The following RFX2 variants were observed in gnomAD, a reference collection of about 807,000 sequenced individuals.
RFX2 encodes the protein regulatory factor X2, also known as DNA-binding protein RFX2.
A neutral mutation model predicts 87.8 loss-of-function variants in RFX2; 20 were observed. The ratio of observed to expected loss-of-function variants is 0.23; its 90% CI spans 0.16 to 0.33. The LOEUF is 0.33. RFX2 is among the 10% of genes least tolerant of loss of function. The probability of loss-of-function intolerance (pLI) is 1.00; values close to 1 mark genes in which losing one functional copy is unlikely to be tolerated. For missense variants in RFX2, 767 were observed against 1,012.3 expected (o/e 0.76, Z 3.29); for synonymous variants, 397 against 431.3 (o/e 0.92, Z 0.98).
In RFX2 at chr19:6,064,492, G is replaced by A. The variant is rs1426164990; in HGVS notation, c.-8-16988C>T. The stretch of plus-strand genomic sequence containing the variant: ...TCCCAGCTTCAAAATCTTTCAGAGC[G>A]ACTCATGCTGCCAGAGGGTGGAGGA... On this transcript the variant is annotated intron_variant, in intron 1 of 17. Coordinates refer to ENST00000303657, the MANE Select transcript of RFX2 (RefSeq NM_000635.4). The surrounding 1 kb of genome is among the most constrained non-coding windows in gnomAD (Gnocchi z 4.8). 1.3e-5 allele frequency among the ~76,000 whole-genome samples: 2 copies of A among 152,336 alleles called. No individual in the cohort carries two copies. The highest frequency in any genetic ancestry group is 2.9e-5 in the Non-Finnish European group (2 of 68,032).
At position 6,007,289 on chromosome 19, in the gene RFX2, C is replaced by A; in HGVS notation, c.1248-123G>T. ...CAACAGTGGGGCTGGGGTTTTGCTC[C>A]CCATCCCTGAGCCTCGATGGGTCCC... On this transcript the variant is annotated intron_variant, in intron 11 of 17. Coordinates refer to ENST00000303657, the MANE Select transcript of RFX2 (RefSeq NM_000635.4). The surrounding 1 kb of genome is among the most constrained non-coding windows in gnomAD (Gnocchi z 8.2). The A allele has an allele frequency of 9.9e-7, 1 of 1,010,124 alleles. No homozygotes were observed. The highest frequency in any genetic ancestry group is 1.4e-6 in the Non-Finnish European group (1 of 693,150). The allele number at this position is 1,010,124 out of a possible 1,614,324, so 62.6% of individuals were successfully genotyped here. A position where few individuals can be genotyped will look rare whatever the true frequency, so the allele number is the denominator to read the frequency against.
In RFX2 at chr19:6,040,010, C is replaced by G; in HGVS notation, c.492G>C (p.Leu164=). 1 of 1,601,518 alleles carries G rather than the reference C, an allele frequency of 6.2e-7. No individual in the cohort carries two copies. The change falls in exon 5 of 18, where the codon CTG becomes CTC. Residue 164 remains leucine (L), a synonymous_variant. Coordinates refer to ENST00000303657, the MANE Select transcript of RFX2 (RefSeq NM_000635.4). This position sits in a 1 kb window ranked among gnomAD's most constrained non-coding sequence, Gnocchi z 6.1. Reference sequence around the variant, plus strand: ...CGGGCGATGAGCGGGAGGTGTGGGCCAGGGAGTGTCTGGTGCTGTCCATCC... The same window carrying G: ...CGGGCGATGAGCGGGAGGTGTGGGCGAGGGAGTGTCTGGTGCTGTCCATCC... The part of the protein sequence containing the change: ...HGGMDSTRHS[L]AHTSRSSPAT...
At position 6,079,221 on chromosome 19, in the gene RFX2, C is replaced by T. The variant is rs555228120; in HGVS notation, c.-9+31172G>A. 2.6e-5 allele frequency among the ~76,000 whole-genome samples: 4 copies of T among 152,336 alleles called. No homozygotes were observed. In the East Asian group the frequency reaches 7.7e-4, roughly 29 times the overall value. ...GGGAGTATCACTGCGATTTAGTGTA[C>T]TTGGTCTAGAGTATGCTGTCGCTCT... On this transcript the variant is annotated intron_variant, in intron 1 of 17. Coordinates refer to ENST00000303657, the MANE Select transcript of RFX2 (RefSeq NM_000635.4).
rs1250696755 is a variant in RFX2, at chr19:6,004,150, G to A, written c.1500+51C>T. 1 of 1,373,170 alleles carries A rather than the reference G, an allele frequency of 7.3e-7. No homozygotes were observed. Among genetic ancestry groups the A allele is most frequent in the Non-Finnish European group, 1.0e-6 (1 of 960,828 alleles). 85.1% of individuals were successfully genotyped at this position (1,373,170 alleles called of 1,614,324 possible). On this transcript the variant is annotated intron_variant, in intron 13 of 17. Coordinates refer to ENST00000303657, the MANE Select transcript of RFX2 (RefSeq NM_000635.4). The surrounding 1 kb of genome is among the most constrained non-coding windows in gnomAD (Gnocchi z 4.8). Reference sequence around the variant, plus strand: ...AGTGGTCCTCATGCTGTCCTGGACTGGAGCCCCTCCCAGCCATCGTTGGGG... The same window carrying A: ...AGTGGTCCTCATGCTGTCCTGGACTAGAGCCCCTCCCAGCCATCGTTGGGG...
intron 1 of RFX2, among the ~76,000 whole-genome samples, chr19:6,102,569 C>A (rs1437328251): frequency 2.6e-5 from 4 of 152,236 alleles, no homozygotes; most frequent in Non-Finnish European, 5.9e-5. Context: ...CAAGGCCCTG[C>A]AGGTTGCCCC....
At position 6,024,158 on chromosome 19, in the gene RFX2, C is replaced by T. The variant is rs2086855897; in HGVS notation, c.597+2005G>A. On this transcript the variant is annotated intron_variant, in intron 6 of 17. Coordinates refer to ENST00000303657, the MANE Select transcript of RFX2 (RefSeq NM_000635.4). This position sits in a 1 kb window ranked among gnomAD's most constrained non-coding sequence, Gnocchi z 5.0. ...CTGCACCCCCATCCTGCCTGGGTCA[C>T]GCAGCCCTCTCGCCCAGGGCTGATA... Among the ~76,000 whole-genome samples, 1 of 152,202 alleles carries T rather than the reference C, an allele frequency of 6.6e-6. No homozygotes were observed. The highest frequency in any genetic ancestry group is 2.4e-5 in the African/African-American group (1 of 41,454).
intron 5 of RFX2, among the ~76,000 whole-genome samples, chr19:6,029,256 C>CAAAAA (rs549438410): frequency 1.1e-5 from 1 of 94,484 alleles, no homozygotes; most frequent in Non-Finnish European, 2.2e-5. Context: ...ATGAGGCACG[C>CAAAAA]AAAAAAAAAA....
chr19:6,054,998 CTATA>C (rs1036790832), intron 1 of RFX2, among the ~76,000 whole-genome samples: 3 of 152,184 alleles, frequency 2.0e-5, no homozygotes, highest in African/African-American at 7.2e-5. Context: ...ACATCTATAT[CTATA>C]TATATAAACT....
intron 6 of RFX2, among the ~76,000 whole-genome samples, chr19:6,025,608 T>C (rs1326838535): frequency 6.6e-6 from 1 of 152,122 alleles, no homozygotes; most frequent in Non-Finnish European, 1.5e-5. Flanking sequence ...TTACTCCCTA[T>C]GACAACCCGA....
rs1278928813 is a variant in RFX2 at position 5,997,360 on chromosome 19, G to A, written c.1860-147C>T. On this transcript the variant is annotated intron_variant, in intron 15 of 17. Coordinates refer to ENST00000303657, the MANE Select transcript of RFX2 (RefSeq NM_000635.4). This position sits in a 1 kb window ranked among gnomAD's most constrained non-coding sequence, Gnocchi z 4.2. ...GTGATCCTAAGACGTGCAGGCCTAC[G>A]CGGGGGCTGACGGGCTGCCGAGACC... 1.6e-5 allele frequency: 15 copies of A among 937,668 alleles called. No individual in the cohort carries two copies. Among genetic ancestry groups the A allele is most frequent in the South Asian group, 1.5e-4 (8 of 53,028 alleles). 58.1% of individuals were successfully genotyped at this position (937,668 alleles called of 1,614,324 possible).
At chr19:6,055,935 G>A (rs888228922) in intron 1 of RFX2, among the ~76,000 whole-genome samples, 1 of 152,028 alleles carries the variant, frequency 6.6e-6, no homozygotes, top group African/African-American at 2.4e-5. Flanking sequence ...AAATCATTAC[G>A]CTGAGTGAAA....
rs1159060855 is a variant in RFX2, at chr19:6,044,824, C to A, written c.91-542G>T. Reference sequence around the variant, plus strand: ...ATGAAGCCAGAGGGCTCAAGTGCTGCCTCTGGCTACAGAATACTCGAGTCC... The same window carrying A: ...ATGAAGCCAGAGGGCTCAAGTGCTGACTCTGGCTACAGAATACTCGAGTCC... On this transcript the variant is annotated intron_variant, in intron 2 of 17. Coordinates refer to ENST00000303657, the MANE Select transcript of RFX2 (RefSeq NM_000635.4). This position sits in a 1 kb window ranked among gnomAD's most constrained non-coding sequence, Gnocchi z 5.3. Among the ~76,000 whole-genome samples the A allele has an allele frequency of 6.6e-6, 1 of 152,212 alleles. No homozygotes were observed. Among genetic ancestry groups the A allele is most frequent in the African/African-American group, 2.4e-5 (1 of 41,444 alleles).
In RFX2 at chr19:5,997,158, G is replaced by A; in HGVS notation, c.1915C>T (p.His639Tyr). Residue 639 changes from histidine to tyrosine, a missense_variant, in exon 16 of 18, where the codon CAC (histidine) becomes TAC (tyrosine). Physicochemically the swap from His to Tyr is moderately conservative, Grantham distance 83. Coordinates refer to ENST00000303657, the MANE Select transcript of RFX2 (RefSeq NM_000635.4). The surrounding 1 kb of genome is among the most constrained non-coding windows in gnomAD (Gnocchi z 4.2). ...LRSAASFGSF[H>Y]LIRLLYDEYM... ...TCGTCGTAGAGCAGGCGGATGAGGT[G>A]GAAGGAGCCGAAGCTGGCAGCGCTG... 1 of 1,613,642 alleles carries A rather than the reference G, an allele frequency of 6.2e-7. No homozygotes were observed. The highest frequency in any genetic ancestry group is 8.5e-7 in the Non-Finnish European group (1 of 1,180,004).
At chr19:6,054,310 T>G (rs1180998218) in intron 1 of RFX2, among the ~76,000 whole-genome samples, 1 of 152,130 alleles carries the variant, frequency 6.6e-6, no homozygotes, top group East Asian at 1.9e-4. Context: ...TGGTGAATGC[T>G]ATCAAATACT....
At position 6,013,199 on chromosome 19, in the gene RFX2, T is replaced by G; in HGVS notation, c.780-94A>C. 7.5e-7 allele frequency: 1 copy of G among 1,329,746 alleles called. No homozygotes were observed. 82.4% of individuals were successfully genotyped at this position (1,329,746 alleles called of 1,614,324 possible). Reference sequence around the variant, plus strand: ...CTTTTTCTTTCTTTCTTCTTTTTTTTTTTTGAGACAGAATCTCATTCTGTC... The same window carrying G: ...CTTTTTCTTTCTTTCTTCTTTTTTTGTTTTGAGACAGAATCTCATTCTGTC... On this transcript the variant is annotated intron_variant, in intron 7 of 17. Coordinates refer to ENST00000303657, the MANE Select transcript of RFX2 (RefSeq NM_000635.4). The surrounding 1 kb of genome is among the most constrained non-coding windows in gnomAD (Gnocchi z 4.1).
intron 1 of RFX2, among the ~76,000 whole-genome samples, chr19:6,069,217 G>C (rs1385144544): frequency 6.6e-6 from 1 of 152,160 alleles, no homozygotes; most frequent in Admixed American, 6.5e-5. Context: ...TCAGTGTATA[G>C]AGAATGCAGG....
intron 1 of RFX2, among the ~76,000 whole-genome samples, chr19:6,105,535 G>A (rs547722643): frequency 2.6e-5 from 4 of 152,224 alleles, no homozygotes; most frequent in Admixed American, 6.5e-5. Flanking sequence ...GGGAGCCATC[G>A]GAGGGTTTCG....
intron 16 of RFX2, among the ~76,000 whole-genome samples, chr19:5,996,815 T>A (rs1351542727): frequency 6.6e-6 from 1 of 152,248 alleles, no homozygotes; most frequent in Admixed American, 6.5e-5. Flanking sequence ...GACTGTGAAC[T>A]TGGACAGAGC....
intron 5 of RFX2, among the ~76,000 whole-genome samples, chr19:6,037,629 C>A (rs1479173368): frequency 3.3e-5 from 5 of 152,184 alleles, no homozygotes; most frequent in Admixed American, 6.5e-5. Flanking sequence ...TAGTCAAAAT[C>A]TCAGTAGCAT....
Sources: gnomAD v4.1 joint callset for allele counts (sites outside exome capture counted in the v4.1 genomes callset) on GRCh38, gnomAD v4.1.1 for gene constraint, Gnocchi (gnomAD v3.1) non-coding constraint, MANE v1.5 for transcripts, NCBI Gene and HGNC (gene_info 2026-07-23, HGNC 2026-07-21) for gene names.